MICU2: variants seen among roughly 807,000 people sequenced by gnomAD.
MICU2 encodes calcium uptake protein 2, mitochondrial.
Under a neutral mutation model 60.4 loss-of-function variants are expected in MICU2, and 64 were observed. That is an observed-to-expected ratio of 1.06 (90% CI 0.87 to 1.31). The LOEUF (loss-of-function observed/expected upper bound fraction) is 1.31, where lower values mean the gene tolerates loss of function less well. Ranked by LOEUF, MICU2 falls within the 50% of genes most tolerant of loss-of-function variation. MICU2 has a pLI of 0.00. For missense variants in MICU2, 569 were observed against 531.0 expected, an observed-to-expected ratio of 1.07 and a Z score of -0.70; for synonymous variants, 201 against 175.0, an observed-to-expected ratio of 1.15 and a Z score of -1.17.
At chr13:21,585,881 A>C (rs1466716592) in intron 1 of MICU2, among the ~76,000 whole-genome samples, 1 of 152,246 alleles carries the variant, frequency 6.6e-6, no homozygotes, top group African/African-American at 2.4e-5. Flanking sequence ...AATTTAAATA[A>C]TATCAAAGAA....
At chr13:21,575,559 C>CA (rs1169373667) in intron 1 of MICU2, among the ~76,000 whole-genome samples, 5 of 150,938 alleles carry the variant, frequency 3.3e-5, no homozygotes, top group Non-Finnish European at 5.9e-5. Context: ...ATCATATCTA[C>CA]AAAAAAACAC....
chr13:21,570,582 GT>G (rs1263448165), intron 1 of MICU2, among the ~76,000 whole-genome samples: 1 of 152,134 alleles, frequency 6.6e-6, no homozygotes, highest in African/African-American at 2.4e-5. Context: ...ATAAAAGTCT[GT>G]TTTTTGTCTA....
chr13:21,539,109 T>TCA (rs1341969155), intron 4 of MICU2, among the ~76,000 whole-genome samples, 193 bp downstream of exon 4: 4 of 152,148 alleles, frequency 2.6e-5, no homozygotes, highest in African/African-American at 9.7e-5. Flanking sequence ...CCTCATACCC[T>TCA]CATCCATTAA....
Position 21,495,160 on chromosome 13 carries a change from C to T in MICU2, c.1200+1G>A, listed in dbSNP as rs1050578933. 2 of 1,594,010 alleles carry T rather than the reference C, an allele frequency of 1.3e-6. No individual in the cohort carries two copies. The highest frequency in any genetic ancestry group is 2.7e-5 in the African/African-American group (2 of 73,744). ...TGTATTATATAAAAAAAATCTGTTA[C>T]CCATAAACCTCGATGCATTCTGTTT... On this transcript the variant is annotated splice_donor_variant, in intron 11 of 11. Coordinates refer to ENST00000382374, the MANE Select transcript of MICU2 (RefSeq NM_152726.3). LOFTEE classifies it high-confidence loss of function.
rs184070439 is a variant in MICU2 at position 21,539,824 on chromosome 13, C to G, written c.359-136G>C. On this transcript the variant is annotated intron_variant, in intron 2 of 11. Transcript: ENST00000382374. ...AAAAAGCAAAGGCTTGTAATTTTAG[C>G]TAATATCCTTAAGCCATAATCATGA... The G allele has an allele frequency of 1.1e-4, 87 of 760,312 alleles. No homozygotes were observed. The Admixed American group carries it at 1.8e-3, about 16-fold the overall frequency. The allele number at this position is 760,312 out of a possible 1,614,324, so 47.1% of individuals were successfully genotyped here. A position where few individuals can be genotyped will look rare whatever the true frequency, so the allele number is the denominator to read the frequency against.
chr13:21,579,941 T>C (rs960368066), intron 1 of MICU2, among the ~76,000 whole-genome samples: 1 of 152,232 alleles, frequency 6.6e-6, no homozygotes, highest in Non-Finnish European at 1.5e-5. Flanking sequence ...GCGGTTTTTT[T>C]GGTTATTTTT....
At chr13:21,529,416 C>G (rs1331461411) in intron 4 of MICU2, among the ~76,000 whole-genome samples, 1 of 152,200 alleles carries the variant, frequency 6.6e-6, no homozygotes, top group African/African-American at 2.4e-5. Context: ...TGTAAATACA[C>G]AGATGGCTGA....
chr13:21,540,070 C>CA (rs1221382998), intron 2 of MICU2, among the ~76,000 whole-genome samples: 1 of 152,146 alleles, frequency 6.6e-6, no homozygotes, highest in Non-Finnish European at 1.5e-5. Context: ...AAAAAACACT[C>CA]ATGATTTATA....
At chr13:21,501,892 C>A (rs1038018215) in intron 9 of MICU2, among the ~76,000 whole-genome samples, 6 of 152,116 alleles carry the variant, frequency 3.9e-5, no homozygotes, top group Non-Finnish European at 8.8e-5. Context: ...GACCTCTATG[C>A]GGACAGAGAC....
Position 21,514,430 on chromosome 13 carries a change from A to C in MICU2, c.598-12T>G. ...ATGATCTTCTGCAGCTAAAAAGATTACAAACATGAGTTTACATGTGTGCCT... is the reference window on the plus strand; with the variant it reads ...ATGATCTTCTGCAGCTAAAAAGATTCCAAACATGAGTTTACATGTGTGCCT... On this transcript the variant is annotated splice_polypyrimidine_tract_variant and intron_variant, in intron 6 of 11. Coordinates refer to ENST00000382374, the MANE Select transcript of MICU2 (RefSeq NM_152726.3). The C allele has an allele frequency of 5.0e-6, 8 of 1,610,614 alleles. No individual in the cohort carries two copies. Among genetic ancestry groups the C allele is most frequent in the Non-Finnish European group, 6.8e-6 (8 of 1,177,832 alleles).
At chr13:21,579,254 T>C (rs1003452259) in intron 1 of MICU2, among the ~76,000 whole-genome samples, 23 of 152,136 alleles carry the variant, frequency 1.5e-4, no homozygotes, top group African/African-American at 5.1e-4. Flanking sequence ...TAAATAAACA[T>C]ATAAATTGCA....
At chr13:21,520,692 TG>T (rs1374152675) in intron 6 of MICU2, among the ~76,000 whole-genome samples, 1 of 151,842 alleles carries the variant, frequency 6.6e-6, no homozygotes, top group African/African-American at 2.4e-5. Context: ...ACCAAATTTT[TG>T]GGAACGGAGT....
rs1888896919 is a variant in MICU2, at chr13:21,604,016, C to T, written c.133G>A (p.Ala45Thr). ...TGGTGCCAGGCCGCTCCTGCTCCTG[C>T]CAGGGCCGCGCCGGCCACTGCCGCT... ...LAAAVAGAAL[A>T]GAGAAWHHSR... The change falls in exon 1 of 12, where the codon GCA becomes ACA. Residue 45 changes from alanine (A) to threonine (T), a missense_variant. Transcript: ENST00000382374. 1.2e-6 allele frequency: 2 copies of T among 1,609,476 alleles called. No homozygotes were observed. The highest frequency in any genetic ancestry group is 1.1e-5 in the South Asian group (1 of 90,870).
At position 21,501,387 on chromosome 13, in the gene MICU2, C is replaced by T. The variant is rs113811832; in HGVS notation, c.933+1539G>A. Among the ~76,000 whole-genome samples, 1,398 of 152,062 alleles carry T rather than the reference C, an allele frequency of 9.2e-3. 21 individuals are homozygous for T. The highest frequency in any genetic ancestry group is 0.032 in the African/African-American group (1,341 of 41,468). The stretch of plus-strand genomic sequence containing the variant: ...ACACTATTCTCCTGCCTCAGCCTCC[C>T]GAGTAGCTGGGACTACAGGCACCTG... On this transcript the variant is annotated intron_variant, in intron 9 of 11. Coordinates refer to ENST00000382374, the MANE Select transcript of MICU2 (RefSeq NM_152726.3).
chr13:21,603,687 T>C (rs969640000), intron 1 of MICU2: 23 of 547,404 alleles, frequency 4.2e-5, no homozygotes, highest in Admixed American at 1.4e-4. Context: ...TGGGCCGTGG[T>C]GTTCAGCGTC....
At chr13:21,493,443 C>T in intron 11 of MICU2, 90 bp from the exon 12 acceptor site, 2 of 810,866 alleles carry the variant, frequency 2.5e-6, no homozygotes, top group South Asian at 4.0e-5. Flanking sequence ...TATTTCCTTC[C>T]CACACTCCTC....
intron 1 of MICU2, among the ~76,000 whole-genome samples, chr13:21,595,303 G>C (rs1469621432): frequency 1.3e-5 from 2 of 152,326 alleles, no homozygotes; most frequent in Non-Finnish European, 1.5e-5. Flanking sequence ...GAAGGCATGG[G>C]AGTGACACTG....
Position 21,519,160 on chromosome 13 carries a change from G to A in MICU2, c.597+2085C>T, listed in dbSNP as rs138544966. Among the ~76,000 whole-genome samples, 286 of 152,232 alleles carry A rather than the reference G, an allele frequency of 1.9e-3. 1 individual carries two copies. The highest frequency in any genetic ancestry group is 6.5e-3 in the African/African-American group (269 of 41,536). ...CAACCTCCGCTTCCTGGGTTCAAAC[G>A]ATTCTCCTGTCTCAGCCTCCTGAGT... On this transcript the variant is annotated intron_variant, in intron 6 of 11. Coordinates refer to ENST00000382374, the MANE Select transcript of MICU2 (RefSeq NM_152726.3).
chr13:21,534,395 G>A (rs1281507257), intron 4 of MICU2, among the ~76,000 whole-genome samples: 1 of 151,912 alleles, frequency 6.6e-6, no homozygotes, highest in Non-Finnish European at 1.5e-5. Flanking sequence ...TTGTGGAGAT[G>A]GGGGTCTCCC....
Sources: allele counts gnomAD v4.1 joint callset (sites outside exome capture counted in the v4.1 genomes callset), GRCh38; gene constraint gnomAD v4.1.1; transcripts MANE v1.5; gene names NCBI Gene and HGNC (gene_info 2026-07-23, HGNC 2026-07-21).